The following C12orf42 variants were observed in gnomAD, a reference collection of about 807,000 sequenced individuals.
The protein encoded by C12orf42 is uncharacterized protein C12orf42.
In C12orf42, 25 loss-of-function variants were observed where a neutral mutation model predicts 21.6. That is an observed-to-expected ratio of 1.16 (90% confidence interval 0.84 to 1.62). The LOEUF (loss-of-function observed/expected upper bound fraction) is 1.62, where lower values mean the gene tolerates loss of function less well. Ranked by LOEUF, C12orf42 falls within the 40% of genes most tolerant of loss-of-function variation. The probability of loss-of-function intolerance (pLI) is 0.00; values close to 1 mark genes in which losing one functional copy is unlikely to be tolerated. For missense variants in C12orf42, 483 were observed against 459.3 expected (o/e 1.05, Z -0.47); for synonymous variants, 174 against 175.0 (o/e 0.99, Z 0.05).
At chr12:103,558,731 A>T in the C12orf42 span, 6 of 152,216 alleles carry the variant, frequency 3.9e-5, no homozygotes, top group Non-Finnish European at 8.8e-5. Flanking sequence ...TAGACCCTTG[A>T]CAGGTGCGGG....
At chr12:103,240,260 T>C (rs902752086) in intron 10 of C12orf42, among the ~76,000 whole-genome samples, 1 of 152,072 alleles carries the variant, frequency 6.6e-6, no homozygotes, top group African/African-American at 2.4e-5. Flanking sequence ...GACTATATAG[T>C]CCAGACATCA....
chr12:103,209,059 G>A, the C12orf42 span, among the ~76,000 whole-genome samples: 1 of 152,174 alleles, frequency 6.6e-6, no homozygotes, highest in Non-Finnish European at 1.5e-5. Flanking sequence ...TAAAAGCACA[G>A]TAGAATGAAT....
chr12:103,143,795 C>A, the C12orf42 span, among the ~76,000 whole-genome samples: 1 of 152,160 alleles, frequency 6.6e-6, no homozygotes, highest in South Asian at 2.1e-4. Flanking sequence ...ACAAACAAAC[C>A]AAACACTGAT....
In C12orf42 at chr12:103,239,856, C is replaced by G. The variant is rs116223210; in HGVS notation, c.*1367-1954G>C. ...TTTATTATCAGAAGGGAGGAAGGAA[C>G]TAGAGACAAAGTGCTCCTGAACTTC... On this transcript the variant is annotated intron_variant and NMD_transcript_variant, in intron 10 of 10. Transcript: ENST00000547347. Among the ~76,000 whole-genome samples the G allele has an allele frequency of 5.8e-3, 888 of 152,244 alleles. 8 individuals are homozygous for G. The highest frequency in any genetic ancestry group is 0.02 in the African/African-American group (851 of 41,540).
intron 3 of C12orf42, among the ~76,000 whole-genome samples, chr12:103,389,633 C>T (rs1181798863): frequency 1.3e-5 from 2 of 152,124 alleles, no homozygotes; most frequent in Non-Finnish European, 2.9e-5. Flanking sequence ...CTGTATGTTC[C>T]TCTTCCTTCT....
chr12:103,556,480 G>A, the C12orf42 span, among the ~76,000 whole-genome samples: 1 of 152,176 alleles, frequency 6.6e-6, no homozygotes, highest in South Asian at 2.1e-4. Context: ...TACTTTCTCA[G>A]AGGCTGCTTC....
chr12:103,147,623 C>CTTTTTT, the C12orf42 span, among the ~76,000 whole-genome samples: 129 of 99,252 alleles, frequency 1.3e-3, no homozygotes, highest in East Asian at 2.6e-3. Flanking sequence ...TTCTCTCTCT[C>CTTTTTT]TTTTTTTTTT....
intron 4 of C12orf42, among the ~76,000 whole-genome samples, chr12:103,306,850 A>G (rs1159880723): frequency 6.6e-6 from 1 of 152,182 alleles, no homozygotes; most frequent in Non-Finnish European, 1.5e-5. Context: ...CCATAATCTA[A>G]TAAGACTGGA....
intron 2 of C12orf42, among the ~76,000 whole-genome samples, chr12:103,469,610 A>G (rs1276167608): frequency 6.6e-6 from 1 of 152,262 alleles, no homozygotes; most frequent in Non-Finnish European, 1.5e-5. Context: ...ATAACTATAA[A>G]TAACATAGCA....
At chr12:103,125,006 AT>A in the C12orf42 span, among the ~76,000 whole-genome samples, 3 of 152,312 alleles carry the variant, frequency 2.0e-5, no homozygotes, top group South Asian at 6.2e-4. Flanking sequence ...ATAGACTGAT[AT>A]TTGAGAGTCA....
intron 2 of C12orf42, among the ~76,000 whole-genome samples, chr12:103,460,013 C>T (rs79296139): frequency 0.029 from 4,398 of 152,198 alleles, 231 homozygotes; most frequent in African/African-American, 0.1. Flanking sequence ...TACTGCCATC[C>T]CCATCTTTCT....
the C12orf42 span, among the ~76,000 whole-genome samples, chr12:103,103,554 T>C: frequency 6.6e-6 from 1 of 152,220 alleles, no homozygotes; most frequent in Admixed American, 6.5e-5. Context: ...ATCTGTTAGA[T>C]TTTTTAATTT....
the C12orf42 span, among the ~76,000 whole-genome samples, chr12:103,163,356 C>T: frequency 6.6e-6 from 1 of 152,170 alleles, no homozygotes; most frequent in Admixed American, 6.5e-5. Flanking sequence ...AGGTAGCCAA[C>T]TATTTATAGG....
chr12:103,111,648 C>CG, the C12orf42 span, among the ~76,000 whole-genome samples: 1 of 152,060 alleles, frequency 6.6e-6, no homozygotes, highest in African/African-American at 2.4e-5. Flanking sequence ...TCCTCATGTA[C>CG]GAGTTTAGGG....
At chr12:103,324,397 C>A (rs1453407598) in intron 4 of C12orf42, among the ~76,000 whole-genome samples, 1 of 152,092 alleles carries the variant, frequency 6.6e-6, no homozygotes. Context: ...GTCTCCGACT[C>A]ACCCAAAAAA....
chr12:103,194,762 A>AAATTT, the C12orf42 span, among the ~76,000 whole-genome samples: 1 of 152,170 alleles, frequency 6.6e-6, no homozygotes, highest in Non-Finnish European at 1.5e-5. Flanking sequence ...TCTACAAATT[A>AAATTT]GATTCAATCT....
chr12:103,100,723 A>G, the C12orf42 span, among the ~76,000 whole-genome samples: 1 of 152,188 alleles, frequency 6.6e-6, no homozygotes, highest in South Asian at 2.1e-4. Context: ...TTCTAATGAC[A>G]AGATAGGTTA....
At chr12:103,270,109 G>T (rs2136254381) in intron 5 of C12orf42, 1 of 152,116 alleles carries the variant, frequency 6.6e-6, no homozygotes, top group African/African-American at 2.4e-5. Flanking sequence ...TTTGAGCAGG[G>T]GAGCCATATG....
chr12:103,463,462 G>A (rs1350866358), intron 2 of C12orf42, among the ~76,000 whole-genome samples: 1 of 152,114 alleles, frequency 6.6e-6, no homozygotes, highest in Non-Finnish European at 1.5e-5. Context: ...ATGCAATTTG[G>A]GAGGAGGTGT....
Sources: gnomAD v4.1 joint callset for allele counts (sites outside exome capture counted in the v4.1 genomes callset) on GRCh38, gnomAD v4.1.1 for gene constraint, MANE v1.5 for transcripts, NCBI Gene and HGNC (gene_info 2026-07-23, HGNC 2026-07-21) for gene names.